Variants in WNT2B observed in about 807,000 individuals in gnomAD.
WNT2B encodes Wnt family member 2B.
A neutral mutation model predicts 40.5 loss-of-function variants in WNT2B; 19 were observed. The observed-to-expected ratio is 0.47, with a 90% confidence interval of 0.33 to 0.69. The LOEUF (loss-of-function observed/expected upper bound fraction) is 0.69. WNT2B is among the 30% of genes least tolerant of loss of function. The probability of loss-of-function intolerance (pLI) is 0.02; values close to 1 mark genes in which losing one functional copy is unlikely to be tolerated. For missense variants in WNT2B, 467 were observed against 556.4 expected (o/e 0.84, Z 1.62); for synonymous variants, 220 against 211.9 (o/e 1.04, Z -0.33).
At chr1:112,475,091 G>A (rs1351529119) in intron 1 of WNT2B, among the ~76,000 whole-genome samples, 1 of 152,110 alleles carries the variant, frequency 6.6e-6, no homozygotes, top group Non-Finnish European at 1.5e-5. Context: ...CCAGTCTCAG[G>A]TACTTCTGTA....
At chr1:112,488,106 G>C (rs1651477231) in intron 1 of WNT2B, among the ~76,000 whole-genome samples, 1 of 152,102 alleles carries the variant, frequency 6.6e-6, no homozygotes, top group Non-Finnish European at 1.5e-5. Context: ...AGATCAGCCT[G>C]GCCAACATGG....
chr1:112,467,609 C>T, intron 1 of WNT2B: 1 of 779,480 alleles, frequency 1.3e-6, no homozygotes, highest in Non-Finnish European at 2.4e-6. Context: ...GAATGAAGCA[C>T]TACTTTATTT....
rs779028205 is a variant in WNT2B, at chr1:112,526,111, C to T, written c.*5602C>T. On this transcript the variant is annotated 3_prime_UTR_variant, in exon 5 of 5. Transcript: ENST00000369684. ...GGTTGGGGGCACCAGAGTCCCAGCA[C>T]CTTCAAAACAGAAATTGATACAAAA... 1.4e-5 allele frequency: 23 copies of T among 1,613,966 alleles called. No homozygotes were observed. Among genetic ancestry groups the T allele is most frequent in the Non-Finnish European group, 1.9e-5 (23 of 1,180,018 alleles).
rs774022592 is a variant in WNT2B at position 112,509,275 on chromosome 1, G to A, written c.13G>A (p.Gly5Ser). 6.5e-7 allele frequency: 1 copy of A among 1,534,762 alleles called. No individual in the cohort carries two copies. MLRP[G>S]GAEEAAQLPL... The stretch of plus-strand genomic sequence containing the variant: ...TCTTCGGGGAGCTATGCTGAGACCG[G>A]GTGGTGCGGAGGAAGCTGCGCAGCT... The change falls in exon 1 of 5, where the codon GGT becomes AGT. Residue 5 changes from glycine (G) to serine (S), a missense_variant. By Grantham distance (56) the Gly-to-Ser change is moderately conservative. Around this residue, in one of 2 missense-constraint regions of WNT2B, gnomAD observed 137 missense variants for 117.7 expected, o/e 1.16. Coordinates refer to ENST00000369684, the MANE Select transcript of WNT2B (RefSeq NM_024494.3). The surrounding 1 kb of genome is among the most constrained non-coding windows in gnomAD (Gnocchi z 4.2).
intron 1 of WNT2B, among the ~76,000 whole-genome samples, chr1:112,494,321 T>A (rs1421768635): frequency 1.3e-5 from 2 of 150,528 alleles, no homozygotes; most frequent in Admixed American, 1.3e-4. Flanking sequence ...AAAAAAAAAA[T>A]TATATCTACC....
At chr1:112,488,361 G>A (rs778355690) in intron 1 of WNT2B, among the ~76,000 whole-genome samples, 10 of 151,958 alleles carry the variant, frequency 6.6e-5, no homozygotes, top group East Asian at 1.9e-4. Context: ...AATATTTTGC[G>A]CCTTAAGGGA....
intron 1 of WNT2B, among the ~76,000 whole-genome samples, chr1:112,511,665 C>T (rs1652355422): frequency 6.6e-6 from 1 of 152,144 alleles, no homozygotes; most frequent in African/African-American, 2.4e-5. Context: ...CCTAAACAGA[C>T]CAAGAAATAG....
At chr1:112,486,689 A>G (rs1453339855) in intron 1 of WNT2B, among the ~76,000 whole-genome samples, 2 of 152,154 alleles carry the variant, frequency 1.3e-5, no homozygotes, top group African/African-American at 4.8e-5. Flanking sequence ...AATAGGGGAA[A>G]TATTTTACTA....
chr1:112,495,479 C>G (rs1366479115), intron 1 of WNT2B, among the ~76,000 whole-genome samples: 1 of 151,938 alleles, frequency 6.6e-6, no homozygotes, highest in Admixed American at 6.6e-5. Flanking sequence ...GTCCCAGCTA[C>G]TAGGGAGGCT....
intron 4 of WNT2B, 102 bp from the exon 5 acceptor site, chr1:112,520,178 A>G (rs893770356): frequency 2.4e-6 from 3 of 1,253,370 alleles, no homozygotes; most frequent in Non-Finnish European, 3.4e-6. Context: ...GCCCAGCCCA[A>G]AAAAGCGATT....
intron 1 of WNT2B, among the ~76,000 whole-genome samples, chr1:112,496,626 G>C (rs182624098): frequency 4.6e-5 from 7 of 151,042 alleles, no homozygotes; most frequent in Non-Finnish European, 8.9e-5. Flanking sequence ...TCGAGACGGA[G>C]TTTCACTCTT....
Position 112,521,229 on chromosome 1 carries a change from C to T in WNT2B, c.*720C>T, listed in dbSNP as rs932573896. On this transcript the variant is annotated 3_prime_UTR_variant, in exon 5 of 5. Coordinates refer to ENST00000369684, the MANE Select transcript of WNT2B (RefSeq NM_024494.3). Reference sequence around the variant, plus strand: ...AAACTGAGGTGGAATGCAGTGGTTCCCATGCTTAACAAATCATTAAAACAC... The same window carrying T: ...AAACTGAGGTGGAATGCAGTGGTTCTCATGCTTAACAAATCATTAAAACAC... 2.0e-5 allele frequency: 3 copies of T among 152,058 alleles called. No individual in the cohort carries two copies. The highest frequency in any genetic ancestry group is 7.3e-5 in the African/African-American group (3 of 41,302). The allele number at this position is 152,058 out of a possible 1,614,324, so 9.4% of individuals were successfully genotyped here.
chr1:112,503,934 A>G (rs950325253), intron 1 of WNT2B, among the ~76,000 whole-genome samples: 1 of 152,218 alleles, frequency 6.6e-6, no homozygotes, highest in Non-Finnish European at 1.5e-5. Context: ...TGAGGAAGGC[A>G]GAGTGGGAGG....
At chr1:112,502,463 C>T (rs994753200) in intron 1 of WNT2B, among the ~76,000 whole-genome samples, 5 of 152,226 alleles carry the variant, frequency 3.3e-5, no homozygotes, top group Admixed American at 2.6e-4. Flanking sequence ...TCTCTAATTG[C>T]CTCGAAAATA....
intron 1 of WNT2B, among the ~76,000 whole-genome samples, chr1:112,483,721 A>G (rs1651304863): frequency 6.6e-6 from 1 of 151,728 alleles, no homozygotes; most frequent in Non-Finnish European, 1.5e-5. Context: ...TTTTCAAACT[A>G]TGTATCTGAT....
At chr1:112,494,394 G>A (rs1270213668) in intron 1 of WNT2B, among the ~76,000 whole-genome samples, 4 of 151,208 alleles carry the variant, frequency 2.6e-5, no homozygotes, top group East Asian at 1.9e-4. Flanking sequence ...TTTAAGACAC[G>A]GTCTTGCTCT....
chr1:112,500,677 A>G (rs1043653236), intron 1 of WNT2B, among the ~76,000 whole-genome samples: 1 of 152,076 alleles, frequency 6.6e-6, no homozygotes, highest in African/African-American at 2.4e-5. Flanking sequence ...GAGACTGAGG[A>G]GGGAAGATGG....
intron 1 of WNT2B, among the ~76,000 whole-genome samples, chr1:112,481,554 G>C (rs1651225413): frequency 6.6e-6 from 1 of 152,138 alleles, no homozygotes; most frequent in Admixed American, 6.5e-5. Context: ...CCTAGCCAGA[G>C]CAATGAGACA....
chr1:112,512,797 C>G (rs987686572), intron 1 of WNT2B, among the ~76,000 whole-genome samples: 2 of 151,872 alleles, frequency 1.3e-5, no homozygotes, highest in African/African-American at 4.8e-5. Context: ...TTATTGGAGG[C>G]TCCCTACACT....
Sources: allele counts gnomAD v4.1 joint callset (sites outside exome capture counted in the v4.1 genomes callset), GRCh38; gene constraint gnomAD v4.1.1; regional missense constraint gnomAD v4.1.1; non-coding constraint Gnocchi (gnomAD v3.1); transcripts MANE v1.5; gene names NCBI Gene and HGNC (gene_info 2026-07-23, HGNC 2026-07-21).